Variants in SEMA3A observed in about 807,000 individuals in gnomAD.
The protein encoded by SEMA3A is semaphorin-3A.
Under a neutral mutation model 97.9 loss-of-function variants are expected in SEMA3A, and 29 were observed. The ratio of observed to expected loss-of-function variants is 0.30; its 90% CI spans 0.22 to 0.40. The LOEUF is 0.40. Ranked by LOEUF, SEMA3A falls within the 10% of genes least tolerant of loss-of-function variation. SEMA3A has a pLI of 1.00. For synonymous variants in SEMA3A, 321 were observed against 323.7 expected (o/e 0.99, Z 0.09); for missense variants, 763 against 951.3 (o/e 0.80, Z 2.60).
chr7:84,049,030 TTTTA>T (rs1025670183), intron 5 of SEMA3A, among the ~76,000 whole-genome samples: 13 of 152,072 alleles, frequency 8.5e-5, no homozygotes, highest in African/African-American at 3.1e-4. Context: ...AGAAATAATA[TTTTA>T]TTTCTCTTTT....
intron 2 of SEMA3A, among the ~76,000 whole-genome samples, chr7:84,319,726 C>A (rs2115903222): frequency 1.3e-5 from 2 of 152,226 alleles, no homozygotes; most frequent in East Asian, 3.9e-4. Context: ...TTTTGTAAAT[C>A]TTAAAATCTC....
At chr7:84,258,773 A>G (rs1799774738) in intron 3 of SEMA3A, among the ~76,000 whole-genome samples, 1 of 152,208 alleles carries the variant, frequency 6.6e-6, no homozygotes, top group Non-Finnish European at 1.5e-5. Context: ...TCAAAATTAT[A>G]GCCCAAGATT....
At chr7:84,090,924 G>A (rs1794545842) in intron 4 of SEMA3A, among the ~76,000 whole-genome samples, 2 of 151,184 alleles carry the variant, frequency 1.3e-5, no homozygotes, top group African/African-American at 4.8e-5. Flanking sequence ...AAAATTAGCT[G>A]GGCGTGGTGG....
At chr7:84,340,401 A>G (rs920171507) in intron 2 of SEMA3A, among the ~76,000 whole-genome samples, 1 of 152,208 alleles carries the variant, frequency 6.6e-6, no homozygotes, top group African/African-American at 2.4e-5. Flanking sequence ...CTAGATGGAT[A>G]TAGATATAAA....
chr7:84,016,737 A>T (rs1791121595), intron 6 of SEMA3A, among the ~76,000 whole-genome samples: 1 of 152,210 alleles, frequency 6.6e-6, no homozygotes, highest in Admixed American at 6.5e-5. Context: ...ATATAAAAAC[A>T]AATATTTTAA....
intron 1 of SEMA3A, among the ~76,000 whole-genome samples, chr7:84,460,115 A>G (rs1404135169): frequency 5.9e-5 from 9 of 152,206 alleles, no homozygotes; most frequent in Non-Finnish European, 1.0e-4. Flanking sequence ...CAACTCAGTC[A>G]ATAATGTTAT....
At position 84,254,198 on chromosome 7, in the gene SEMA3A, G is replaced by A. The variant is rs1799667597; in HGVS notation, c.-83+53009C>T. Among the ~76,000 whole-genome samples the A allele has an allele frequency of 2.0e-5, 3 of 152,296 alleles. No homozygotes were observed. The South Asian group carries it at 6.2e-4, about 32-fold the overall frequency. On this transcript the variant is annotated intron_variant, in intron 3 of 3. Coordinates refer to the SEMA3A transcript ENST00000424555. Reference sequence around the variant, plus strand: ...CTTCTCATGATGACAACAAGGGCCAGATGTGACTATTGGGATTTGGTTACT... The same window carrying A: ...CTTCTCATGATGACAACAAGGGCCAAATGTGACTATTGGGATTTGGTTACT...
At chr7:84,257,141 T>C (rs1051138479) in intron 3 of SEMA3A, among the ~76,000 whole-genome samples, 7 of 152,212 alleles carry the variant, frequency 4.6e-5, no homozygotes, top group African/African-American at 1.7e-4. Context: ...ACTAACTTAA[T>C]TTCTGACTCT....
chr7:84,410,674 C>T lies in SEMA3A; in HGVS notation c.-245-38774G>A, dbSNP rs534292981. On this transcript the variant is annotated intron_variant, in intron 1 of 3. Coordinates refer to the SEMA3A transcript ENST00000424555. ...AGTGTATTTATTGCTGCGTGCACCA[C>T]CACATGTTTTTCGCATAAAGAAAAG... 4.7e-4 allele frequency among the ~76,000 whole-genome samples: 71 copies of T among 152,226 alleles called. 2 individuals are homozygous for T. The highest frequency in any genetic ancestry group is 4.4e-3 in the South Asian group (21 of 4,824).
chr7:83,985,632 C>A (rs992885570), intron 12 of SEMA3A, among the ~76,000 whole-genome samples, 155 bp from the exon 13 acceptor site: 2 of 152,130 alleles, frequency 1.3e-5, no homozygotes, highest in Non-Finnish European at 2.9e-5. Context: ...AAAGAAACTG[C>A]ATAGATAAGG....
At chr7:84,413,805 G>A (rs1748207123) in intron 1 of SEMA3A, among the ~76,000 whole-genome samples, 1 of 152,080 alleles carries the variant, frequency 6.6e-6, no homozygotes, top group Non-Finnish European at 1.5e-5. Context: ...AATAAATAAT[G>A]GGATGTGTAG....
At chr7:84,088,426 C>T (rs1794453570) in intron 4 of SEMA3A, among the ~76,000 whole-genome samples, 1 of 151,868 alleles carries the variant, frequency 6.6e-6, no homozygotes, top group East Asian at 1.9e-4. Context: ...TGCACTCCAG[C>T]CTGGGCTACA....
chr7:84,367,885 A>G (rs963201894), intron 2 of SEMA3A, among the ~76,000 whole-genome samples: 2 of 151,274 alleles, frequency 1.3e-5, no homozygotes, highest in Admixed American at 6.6e-5. Context: ...CTGTTTATCT[A>G]AAAGAATCTT....
At chr7:84,480,715 C>T (rs555130441) in intron 1 of SEMA3A, among the ~76,000 whole-genome samples, 46 of 152,174 alleles carry the variant, frequency 3.0e-4, no homozygotes, top group African/African-American at 1.0e-3. Context: ...CTTTTTAAAA[C>T]GTAACTACCC....
chr7:84,362,400 T>C (rs1377133695), intron 2 of SEMA3A, among the ~76,000 whole-genome samples: 4 of 152,050 alleles, frequency 2.6e-5, no homozygotes, highest in Non-Finnish European at 5.9e-5. Context: ...ATTATCATTA[T>C]TCAGGGTTTT....
chr7:84,409,848 T>G (rs1191550072), intron 1 of SEMA3A, among the ~76,000 whole-genome samples: 1 of 152,132 alleles, frequency 6.6e-6, no homozygotes, highest in Non-Finnish European at 1.5e-5. Context: ...AAAACTTATG[T>G]ACAAATTTTA....
At chr7:84,120,647 T>C (rs888689512) in intron 3 of SEMA3A, among the ~76,000 whole-genome samples, 2 of 152,186 alleles carry the variant, frequency 1.3e-5, no homozygotes, top group African/African-American at 4.8e-5. Context: ...TGAAGTGCCA[T>C]CAAAATTCTT....
At chr7:84,149,646 AACTT>A (rs1486272553) in intron 1 of SEMA3A, among the ~76,000 whole-genome samples, 1 of 152,238 alleles carries the variant, frequency 6.6e-6, no homozygotes, top group Non-Finnish European at 1.5e-5. Flanking sequence ...TTTCTCATTA[AACTT>A]ACTTCTCTAC....
chr7:84,211,486 T>G (rs927793218), intron 3 of SEMA3A, among the ~76,000 whole-genome samples: 1 of 151,452 alleles, frequency 6.6e-6, no homozygotes. Context: ...TCGGGCATGC[T>G]GGTGCATGCC....
Sources: allele counts gnomAD v4.1 joint callset (sites outside exome capture counted in the v4.1 genomes callset), GRCh38; gene constraint gnomAD v4.1.1; transcripts MANE v1.5; gene names NCBI Gene and HGNC (gene_info 2026-07-23, HGNC 2026-07-21).